DAB2IP: variants seen among roughly 807,000 people sequenced by gnomAD.
DAB2IP encodes disabled homolog 2-interacting protein.
DAB2IP carries 28 observed loss-of-function variants against 107.2 expected under a neutral mutation model. The ratio of observed to expected loss-of-function variants is 0.26; its 90% CI spans 0.19 to 0.36. The LOEUF (loss-of-function observed/expected upper bound fraction) is 0.36, where lower values mean the gene tolerates loss of function less well. Among genes scored for constraint, DAB2IP ranks in the 10% least tolerant of loss-of-function variants. DAB2IP has a pLI of 1.00. For synonymous variants in DAB2IP, 755 were observed against 706.4 expected (o/e 1.07, Z -1.09); for missense variants, 1,400 against 1,644.7 (o/e 0.85, Z 2.57).
chr9:121,733,448 G>C (rs1831663995), intron 3 of DAB2IP, among the ~76,000 whole-genome samples: 1 of 152,236 alleles, frequency 6.6e-6, no homozygotes, highest in Non-Finnish European at 1.5e-5. Context: ...CCCCCAGAGA[G>C]CCTAGCCCAG....
intron 1 of DAB2IP, among the ~76,000 whole-genome samples, chr9:121,639,961 A>G (rs1052334650): frequency 1.3e-5 from 2 of 152,166 alleles, no homozygotes; most frequent in African/African-American, 4.8e-5. Flanking sequence ...CTGCACTTTA[A>G]CCCACATCCC....
At chr9:121,570,814 C>T (rs562075911) in intron 1 of DAB2IP, among the ~76,000 whole-genome samples, 6 of 151,436 alleles carry the variant, frequency 4.0e-5, no homozygotes, top group Admixed American at 3.9e-4. Context: ...TCCCAAAGTG[C>T]TGGGATTACA....
chr9:121,651,688 G>T lies in DAB2IP; in HGVS notation c.-88G>T. On this transcript the variant is annotated 5_prime_UTR_variant, in exon 1 of 16. Transcript: ENST00000408936. This position sits in a 1 kb window ranked among gnomAD's most constrained non-coding sequence, Gnocchi z 5.1. ...GCCGCTCGGGCGAGCGCGGGAGAAC[G>T]CGTGGGCGCCCGCCGGGCTGTCCGG... is the stretch of plus-strand genomic sequence containing the variant. 8.9e-7 allele frequency: 1 copy of T among 1,124,628 alleles called. No individual in the cohort carries two copies. 69.7% of individuals were successfully genotyped at this position (1,124,628 alleles called of 1,614,324 possible).
chr9:121,781,630 C>G, intron 15 of DAB2IP, 79 bp downstream of exon 15: 1 of 1,395,094 alleles, frequency 7.2e-7, no homozygotes, highest in Non-Finnish European at 1.0e-6. Context: ...TCTCCATCCT[C>G]AGTCATACCT....
Position 121,651,619 on chromosome 9 carries a change from A to C in DAB2IP, c.-157A>C. On this transcript the variant is annotated 5_prime_UTR_variant, in exon 1 of 16. Coordinates refer to ENST00000408936, the Ensembl canonical transcript of DAB2IP. The surrounding 1 kb of genome is among the most constrained non-coding windows in gnomAD (Gnocchi z 5.1). ...GGGAGCGGGAGGGGGCAGGAGGCGG[A>C]GGAGGAGTTTGAGCGACTTTGTGGG... is the stretch of plus-strand genomic sequence containing the variant. The C allele has an allele frequency of 2.9e-6, 3 of 1,034,316 alleles. No homozygotes were observed. Among genetic ancestry groups the C allele is most frequent in the Non-Finnish European group, 3.5e-6 (3 of 858,186 alleles). 64.1% of individuals were successfully genotyped at this position (1,034,316 alleles called of 1,614,324 possible). A position where few individuals can be genotyped will look rare whatever the true frequency, so the allele number is the denominator to read the frequency against.
rs374270478 is a variant in DAB2IP at position 121,620,923 on chromosome 9, A to G, written c.40+53695A>G. ...AGTGCTTTTCACTGGCTGCTCTAAA[A>G]GCACATCAACCAATCCAACATGAAA... On this transcript the variant is annotated intron_variant, in intron 1 of 16. Coordinates refer to the DAB2IP transcript ENST00000259371. Among the ~76,000 whole-genome samples, 56 of 152,300 alleles carry G rather than the reference A, an allele frequency of 3.7e-4. No individual in the cohort carries two copies. In the East Asian group the frequency reaches 9.9e-3, roughly 27 times the overall value.
chr9:121,676,637 A>G (rs866686500), intron 1 of DAB2IP, among the ~76,000 whole-genome samples: 7 of 150,208 alleles, frequency 4.7e-5, no homozygotes, highest in African/African-American at 1.2e-4. Context: ...CTGCAGACGC[A>G]CACACACACA....
intron 1 of DAB2IP, among the ~76,000 whole-genome samples, chr9:121,610,043 C>T (rs1231345736): frequency 7.5e-6 from 1 of 133,142 alleles, no homozygotes; most frequent in African/African-American, 2.8e-5. Flanking sequence ...CTCTGAGCTA[C>T]TTGATTTTGT....
intron 13 of DAB2IP, among the ~76,000 whole-genome samples, chr9:121,774,898 T>G (rs564476552): frequency 6.6e-6 from 1 of 152,252 alleles, no homozygotes; most frequent in Admixed American, 6.5e-5. Context: ...TCTTCACCCC[T>G]CTGGTCTCCA....
intron 1 of DAB2IP, among the ~76,000 whole-genome samples, chr9:121,642,082 T>TCTTTCTTTCTTTCTTTCTTC (rs1832374514): frequency 7.3e-6 from 1 of 136,992 alleles, no homozygotes; most frequent in South Asian, 2.4e-4. Context: ...TTTCTTTCTT[T>TCTTTCTTTCTTTCTTTCTTC]CTCACTTTCT....
exon 16 of DAB2IP, chr9:121,783,814 T>G: frequency 1.8e-6 from 1 of 546,162 alleles, no homozygotes; most frequent in Non-Finnish European, 3.3e-6. Context: ...GTAGCTTATC[T>G]GCCCCTCCCC....
At chr9:121,638,261 T>A (rs1832158251) in intron 1 of DAB2IP, among the ~76,000 whole-genome samples, 1 of 152,230 alleles carries the variant, frequency 6.6e-6, no homozygotes, top group Non-Finnish European at 1.5e-5. Context: ...ACTATCTCCA[T>A]AGCATTTACA....
At chr9:121,669,300 C>T (rs2119112427) in intron 1 of DAB2IP, among the ~76,000 whole-genome samples, 1 of 152,222 alleles carries the variant, frequency 6.6e-6, no homozygotes, top group East Asian at 1.9e-4. Flanking sequence ...AGAGAAGTCC[C>T]AAGAACCCAG....
chr9:121,586,964 G>T (rs1440846461), intron 1 of DAB2IP, among the ~76,000 whole-genome samples: 2 of 152,194 alleles, frequency 1.3e-5, no homozygotes, highest in African/African-American at 4.8e-5. Flanking sequence ...ATTTGATTCA[G>T]CAAACATGAC....
At chr9:121,707,011 C>A (rs1381484895) in intron 3 of DAB2IP, among the ~76,000 whole-genome samples, 1 of 152,180 alleles carries the variant, frequency 6.6e-6, no homozygotes, top group African/African-American at 2.4e-5. Flanking sequence ...AGGTCAGGCC[C>A]CATCTTGAGG....
intron 2 of DAB2IP, among the ~76,000 whole-genome samples, chr9:121,680,674 T>C (rs987426584): frequency 6.6e-6 from 1 of 152,106 alleles, no homozygotes; most frequent in African/African-American, 2.4e-5. Flanking sequence ...GCCACCTCCA[T>C]TGATGAAGTG....
intron 3 of DAB2IP, chr9:121,751,642 A>C (rs911021277): frequency 6.6e-6 from 1 of 152,580 alleles, no homozygotes; most frequent in Non-Finnish European, 1.5e-5. Context: ...AGTCCAGGTC[A>C]CTTGTGCGAG....
chr9:121,716,410 T>G (rs1399412933), intron 3 of DAB2IP, among the ~76,000 whole-genome samples: 1 of 152,208 alleles, frequency 6.6e-6, no homozygotes, highest in Non-Finnish European at 1.5e-5. Flanking sequence ...CAAACTTAGG[T>G]CTGACTGGCT....
chr9:121,674,225 C>G (rs1392038762), intron 1 of DAB2IP, among the ~76,000 whole-genome samples: 3 of 152,196 alleles, frequency 2.0e-5, no homozygotes, highest in Non-Finnish European at 4.4e-5. Context: ...TCATCTCTTG[C>G]CAGGGTTCCT....
Sources: gnomAD v4.1 joint callset for allele counts (sites outside exome capture counted in the v4.1 genomes callset) on GRCh38, gnomAD v4.1.1 for gene constraint, Gnocchi (gnomAD v3.1) non-coding constraint, MANE v1.5 for transcripts, NCBI Gene and HGNC (gene_info 2026-07-23, HGNC 2026-07-21) for gene names.